MAGI2: variants seen among roughly 807,000 people sequenced by gnomAD.
MAGI2 encodes the protein membrane associated guanylate kinase, WW and PDZ domain containing 2.
MAGI2 carries 35 observed loss-of-function variants against 133.3 expected under a neutral mutation model. The ratio of observed to expected loss-of-function variants is 0.26; its 90% CI spans 0.20 to 0.35. The LOEUF is 0.35. Ranked by LOEUF, MAGI2 falls within the 10% of genes least tolerant of loss-of-function variation. MAGI2 has a pLI of 1.00. For synonymous variants in MAGI2, 729 were observed against 710.6 expected, an observed-to-expected ratio of 1.03 and a Z score of -0.41; for missense variants, 1,636 against 1,863.4, an observed-to-expected ratio of 0.88 and a Z score of 2.25.
chr7:78,426,790 C>A (rs1322517821), intron 6 of MAGI2, among the ~76,000 whole-genome samples: 1 of 151,942 alleles, frequency 6.6e-6, no homozygotes, highest in Non-Finnish European at 1.5e-5. Flanking sequence ...GGATCCCAGG[C>A]AGGATTAATA....
At chr7:79,269,022 T>A (rs1029454054) in intron 1 of MAGI2, among the ~76,000 whole-genome samples, 39 of 152,106 alleles carry the variant, frequency 2.6e-4, no homozygotes, top group African/African-American at 8.9e-4. Context: ...TCACGGGAAA[T>A]GGTGGAGTTG....
At chr7:79,030,578 G>C (rs1810467943) in intron 1 of MAGI2, among the ~76,000 whole-genome samples, 1 of 152,146 alleles carries the variant, frequency 6.6e-6, no homozygotes, top group African/African-American at 2.4e-5. Flanking sequence ...ATGCAAACAT[G>C]CTAAATGCAT....
intron 6 of MAGI2, among the ~76,000 whole-genome samples, chr7:78,408,008 T>G (rs1797541757): frequency 6.6e-6 from 1 of 152,116 alleles, no homozygotes; most frequent in Non-Finnish European, 1.5e-5. Flanking sequence ...ATAGAAGGGA[T>G]AGTCTAACTT....
chr7:79,041,931 C>A (rs1049924192), intron 1 of MAGI2, among the ~76,000 whole-genome samples: 2 of 151,966 alleles, frequency 1.3e-5, no homozygotes, highest in East Asian at 1.9e-4. Flanking sequence ...AAGATCTTCA[C>A]AAATTTAGGC....
chr7:78,768,916 C>A (rs1216550111), intron 2 of MAGI2, among the ~76,000 whole-genome samples: 1 of 148,500 alleles, frequency 6.7e-6, no homozygotes. Flanking sequence ...CAATAGAGAA[C>A]CGATTTCGCA....
intron 1 of MAGI2, among the ~76,000 whole-genome samples, chr7:79,380,527 C>T (rs983683501): frequency 4.9e-4 from 74 of 151,798 alleles, no homozygotes; most frequent in Non-Finnish European, 1.2e-4. Context: ...TTTGTTGCCC[C>T]ACTTGACAGC....
chr7:78,441,339 A>G (rs1787610901), intron 6 of MAGI2, among the ~76,000 whole-genome samples: 1 of 152,206 alleles, frequency 6.6e-6, no homozygotes, highest in African/African-American at 2.4e-5. Context: ...GCTTTCTCTA[A>G]GATTTATAGA....
At chr7:78,608,043 G>A (rs1048236238) in intron 3 of MAGI2, among the ~76,000 whole-genome samples, 5 of 152,198 alleles carry the variant, frequency 3.3e-5, no homozygotes, top group African/African-American at 4.8e-5. Flanking sequence ...AGCAGGCTGA[G>A]AGAGCAAATT....
intron 16 of MAGI2, among the ~76,000 whole-genome samples, chr7:78,136,001 C>T (rs1303313163): frequency 6.6e-6 from 1 of 152,098 alleles, no homozygotes; most frequent in Non-Finnish European, 1.5e-5. Flanking sequence ...AATAATGATG[C>T]TCCATTGATT....
At chr7:78,166,720 C>T (rs1338163257) in intron 15 of MAGI2, among the ~76,000 whole-genome samples, 1 of 152,150 alleles carries the variant, frequency 6.6e-6, no homozygotes. Flanking sequence ...GCCTGTGGTC[C>T]TCTTCTAGAA....
chr7:78,114,205 A>G (rs1819639029), intron 20 of MAGI2, among the ~76,000 whole-genome samples: 1 of 152,236 alleles, frequency 6.6e-6, no homozygotes, highest in Non-Finnish European at 1.5e-5. Flanking sequence ...ATTTTCCTCT[A>G]AGCAAGTCTT....
intron 1 of MAGI2, among the ~76,000 whole-genome samples, chr7:79,036,400 A>G (rs1003952112): frequency 3.3e-5 from 5 of 152,206 alleles, no homozygotes; most frequent in Non-Finnish European, 7.3e-5. Flanking sequence ...CATGTTTCCT[A>G]CATGACTGAG....
At chr7:78,497,734 A>ATCTGTCTGTCTGTCTGTCTGTCTG (rs769054184) in intron 5 of MAGI2, among the ~76,000 whole-genome samples, 71 of 87,204 alleles carry the variant, frequency 8.1e-4, no homozygotes, top group South Asian at 4.1e-3. Flanking sequence ...CTATCTATCT[A>ATCTGTCTGTCTGTCTGTCTGTCTG]TCTATCTATC....
intron 10 of MAGI2, among the ~76,000 whole-genome samples, chr7:78,248,626 G>A (rs1187867070): frequency 6.6e-6 from 1 of 152,060 alleles, no homozygotes; most frequent in Admixed American, 6.5e-5. Flanking sequence ...GCTATACTTA[G>A]ATAAAATAGA....
chr7:78,787,018 C>T (rs183590078), intron 2 of MAGI2, among the ~76,000 whole-genome samples: 19 of 151,810 alleles, frequency 1.3e-4, no homozygotes, highest in African/African-American at 2.7e-4. Context: ...GGCGCGATCT[C>T]GGCTCACTGC....
At chr7:78,046,148 C>T (rs1174170165) in intron 21 of MAGI2, among the ~76,000 whole-genome samples, 1 of 151,348 alleles carries the variant, frequency 6.6e-6, no homozygotes, top group African/African-American at 2.4e-5. Flanking sequence ...GTCATCCCAG[C>T]ACTTTGGGAG....
At chr7:78,985,972 C>A (rs1176527799) in intron 2 of MAGI2, among the ~76,000 whole-genome samples, 2 of 151,998 alleles carry the variant, frequency 1.3e-5, no homozygotes, top group African/African-American at 4.8e-5. Context: ...GCAACCCAAT[C>A]AATCTTTAAG....
At chr7:78,820,066 G>A (rs560120587) in intron 2 of MAGI2, among the ~76,000 whole-genome samples, 1 of 151,918 alleles carries the variant, frequency 6.6e-6, no homozygotes, top group African/African-American at 2.4e-5. Context: ...GATGTGACTT[G>A]GTCATCGATT....
At chr7:78,503,748 T>G (rs1794851814) in intron 4 of MAGI2, among the ~76,000 whole-genome samples, 1 of 148,268 alleles carries the variant, frequency 6.7e-6, no homozygotes, top group African/African-American at 2.5e-5. Context: ...ATCTCAGAAG[T>G]ACTTGGGTAT....
Sources: gnomAD v4.1 joint callset for allele counts (sites outside exome capture counted in the v4.1 genomes callset) on GRCh38, gnomAD v4.1.1 for gene constraint, MANE v1.5 for transcripts, NCBI Gene and HGNC (gene_info 2026-07-23, HGNC 2026-07-21) for gene names.